The following FCRLB variants were observed in gnomAD, a reference collection of about 807,000 sequenced individuals.
FCRLB encodes the protein Fc receptor-like B.
In FCRLB, 34 loss-of-function variants were observed where a neutral mutation model predicts 33.6. The observed-to-expected ratio is 1.01, with a 90% CI of 0.77 to 1.35. The LOEUF (loss-of-function observed/expected upper bound fraction) is 1.35. Among genes scored for constraint, FCRLB ranks in the 40% most tolerant of loss-of-function variants. FCRLB has a pLI of 0.00. For synonymous variants in FCRLB, 280 were observed against 255.9 expected (o/e 1.09, Z -0.90); for missense variants, 560 against 580.2 (o/e 0.97, Z 0.36).
At position 161,726,414 on chromosome 1, in the gene FCRLB, C is replaced by G; in HGVS notation, c.575-289C>G. The G allele has an allele frequency of 1.4e-6, 1 of 718,082 alleles. No individual in the cohort carries two copies. Among genetic ancestry groups the G allele is most frequent in the East Asian group, 2.7e-5 (1 of 36,966 alleles). 44.5% of individuals were successfully genotyped at this position (718,082 alleles called of 1,614,324 possible). A position where few individuals can be genotyped will look rare whatever the true frequency, so the allele number is the denominator to read the frequency against. ...TCCCTAGCGTCCTGCAAGGCAGGCG[C>G]AGCGTCTCCTATTCTAGGCTGCAGA... On this transcript the variant is annotated intron_variant, in intron 6 of 7. Transcript: ENST00000367948. The surrounding 1 kb of genome is among the most constrained non-coding windows in gnomAD (Gnocchi z 5.2).
chr1:161,724,773 A>G (rs1227682141), intron 5 of FCRLB, among the ~76,000 whole-genome samples: 3 of 152,196 alleles, frequency 2.0e-5, no homozygotes, highest in African/African-American at 4.8e-5. Flanking sequence ...CTCAATGTAC[A>G]ACACCTAAAA....
exon 1 of FCRLB, chr1:161,721,640 C>T (rs1390824851): frequency 9.2e-5 from 14 of 152,164 alleles, no homozygotes; most frequent in Non-Finnish European, 1.0e-4. Flanking sequence ...GATCAAGGTG[C>T]CCCGGTTCTA....
At chr1:161,722,568 T>C in intron 2 of FCRLB, 85 bp from the exon 3 acceptor site, 6 of 1,296,670 alleles carry the variant, frequency 4.6e-6, no homozygotes, top group Non-Finnish European at 1.1e-6. Context: ...AGCAGCAATG[T>C]CTCCTAGTAC....
rs1683527609 is a variant in FCRLB, at chr1:161,725,871, C to CT, written c.359dup (p.Val121SerfsTer65). On this transcript the variant is annotated frameshift_variant, in exon 6 of 8. Transcript: ENST00000367948. LOFTEE classifies it high-confidence loss of function. ...TGCGCCAGTGTTCGAGGGTGAGCCGCTAGTCCTGCGCTGCCGCGGCTGGTA... is the reference window on the plus strand; with the variant it reads ...TGCGCCAGTGTTCGAGGGTGAGCCGCTTAGTCCTGCGCTGCCGCGGCTGGTA... The CT allele has an allele frequency of 6.2e-7, 1 of 1,614,024 alleles. No homozygotes were observed. The highest frequency in any genetic ancestry group is 8.5e-7 in the Non-Finnish European group (1 of 1,180,002).
At chr1:161,725,849 G>T (rs7520519) in exon 6 of FCRLB, 1,412,504 of 1,612,934 alleles carry the variant, frequency 0.88, 620,044 homozygotes, top group East Asian at 1. Flanking sequence ...TGCCCTATGC[G>T]CCAGTGTTCG....
At chr1:161,723,653 C>T (rs575492581) in intron 5 of FCRLB, 32 bp downstream of exon 5, 1 of 1,599,602 alleles carries the variant, frequency 6.3e-7, no homozygotes, top group African/African-American at 1.3e-5. Flanking sequence ...GGAGGGGGAG[C>T]ACGTGTCTCC....
In FCRLB at chr1:161,726,142, G is replaced by A; in HGVS notation, c.574+55G>A. ...GGCAAATGAGCATTGAGAAATTCTGGGACAGGAGCTCGGCGAGAAAAGAAG... is the reference window on the plus strand; with the variant it reads ...GGCAAATGAGCATTGAGAAATTCTGAGACAGGAGCTCGGCGAGAAAAGAAG... On this transcript the variant is annotated intron_variant, in intron 6 of 7. Coordinates refer to ENST00000367948, the Ensembl canonical transcript of FCRLB. This position sits in a 1 kb window ranked among gnomAD's most constrained non-coding sequence, Gnocchi z 5.2. 6.2e-7 allele frequency: 1 copy of A among 1,610,188 alleles called. No homozygotes were observed. Among genetic ancestry groups the A allele is most frequent in the Non-Finnish European group, 8.5e-7 (1 of 1,177,636 alleles).
rs1342618289 is a variant in FCRLB at position 161,726,911 on chromosome 1, G to T, written c.783G>T (p.Glu261Asp). The T allele has an allele frequency of 1.3e-6, 2 of 1,589,580 alleles. No homozygotes were observed. Among genetic ancestry groups the T allele is most frequent in the African/African-American group, 2.7e-5 (2 of 74,004 alleles). ...CAGTCCCGGAGCCCGAGGTCGAGGA[G>T]CTCGAATCGTACTGGTGCGAGGCGG... The change falls in exon 7 of 8, where the codon GAG (glutamate) becomes GAT (aspartate). Residue 261 changes from glutamate to aspartate, a missense_variant. Coordinates refer to ENST00000367948, the Ensembl canonical transcript of FCRLB. The surrounding 1 kb of genome is among the most constrained non-coding windows in gnomAD (Gnocchi z 5.2).
exon 8 of FCRLB, chr1:161,727,696 C>T (rs1175691125): frequency 9.7e-6 from 15 of 1,538,624 alleles, no homozygotes; most frequent in Non-Finnish European, 1.2e-5. Flanking sequence ...CAGGCTCATT[C>T]CTCCTTGGTC....
At chr1:161,727,428 G>T (rs1683630566) in exon 8 of FCRLB, 2 of 1,613,162 alleles carry the variant, frequency 1.2e-6, no homozygotes, top group Non-Finnish European at 1.7e-6. Flanking sequence ...CCCCGACTGC[G>T]GGGCCACCCG....
chr1:161,722,810 T>G, intron 3 of FCRLB, 107 bp downstream of exon 3: 1 of 1,527,516 alleles, frequency 6.5e-7, no homozygotes, highest in African/African-American at 1.4e-5. Context: ...TCCAAGTGGT[T>G]CATTATCTTT....
At chr1:161,722,770 G>A (rs1388968143) in intron 3 of FCRLB, 67 bp downstream of exon 3, 2 of 1,591,402 alleles carry the variant, frequency 1.3e-6, no homozygotes, top group African/African-American at 1.3e-5. Flanking sequence ...AAGGTATGGG[G>A]AGAGGAGGGT....
chr1:161,723,432 G>A, exon 5 of FCRLB: 1 of 1,614,172 alleles, frequency 6.2e-7, no homozygotes, highest in Non-Finnish European at 8.5e-7. Flanking sequence ...AGGGGAGCGG[G>A]TAACTTTGAA....
Position 161,725,926 on chromosome 1 carries a change from AC to A in FCRLB, c.415del (p.His139ThrfsTer50), listed in dbSNP as rs1683538742. Reference sequence around the variant, plus strand: ...AAGGTGGTCTACAAGCTTCACTACTACCACGACGGCCAGGCCGTGCGCTACT... The same window carrying A: ...AAGGTGGTCTACAAGCTTCACTACTACACGACGGCCAGGCCGTGCGCTACT... On this transcript the variant is annotated frameshift_variant, in exon 6 of 8. Transcript: ENST00000367948. LOFTEE classifies it high-confidence loss of function. 8.1e-6 allele frequency: 13 copies of A among 1,614,080 alleles called. No individual in the cohort carries two copies. The highest frequency in any genetic ancestry group is 1.1e-5 in the Non-Finnish European group (13 of 1,180,050).
chr1:161,723,719 G>T (rs890148991), intron 5 of FCRLB, 98 bp downstream of exon 5: 2 of 1,519,316 alleles, frequency 1.3e-6, no homozygotes, highest in Non-Finnish European at 1.8e-6. Flanking sequence ...CCAAGGTGCA[G>T]GAAACAAGGG....
rs575485395 is a variant in FCRLB at position 161,724,197 on chromosome 1, C to T, written c.307+576C>T. On this transcript the variant is annotated intron_variant, in intron 5 of 7. Coordinates refer to ENST00000367948, the Ensembl canonical transcript of FCRLB. ...CACTTACTCAAAGTTTTATTGCAGA[C>T]GTGTATATGTGTACACAGGAGTCAG... Among the ~76,000 whole-genome samples the T allele has an allele frequency of 7.9e-5, 12 of 152,228 alleles. No homozygotes were observed. The South Asian group carries it at 1.0e-3, about 13-fold the overall frequency.
At chr1:161,727,173 CTACG>C in intron 7 of FCRLB, 70 bp from the exon 8 acceptor site, 7 of 1,477,314 alleles carry the variant, frequency 4.7e-6, no homozygotes, top group Non-Finnish European at 6.3e-6. Context: ...GCCCACCGCC[CTACG>C]CCCCTCCCCC....
Position 161,725,621 on chromosome 1 carries a change from G to A in FCRLB, c.308-200G>A, listed in dbSNP as rs190583919. ...TGTGCCACTGCACTGCAGCTTGGGC[G>A]ACAAGAGCAAGACCATGTCTCAAAA... On this transcript the variant is annotated intron_variant, in intron 5 of 7. Transcript: ENST00000367948. Among the ~76,000 whole-genome samples, 723 of 152,042 alleles carry A rather than the reference G, an allele frequency of 4.8e-3. 6 individuals are homozygous for A. Among genetic ancestry groups the A allele is most frequent in the Non-Finnish European group, 4.4e-3 (297 of 67,984 alleles).
chr1:161,727,158 T>C, intron 7 of FCRLB, 89 bp from the exon 8 acceptor site: 44 of 700,182 alleles, frequency 6.3e-5, no homozygotes, highest in Non-Finnish European at 8.7e-5. Flanking sequence ...GCCTTCCCCA[T>C]CCCCGCCCAC....
Sources: gnomAD v4.1 joint callset for allele counts (sites outside exome capture counted in the v4.1 genomes callset) on GRCh38, gnomAD v4.1.1 for gene constraint, Gnocchi (gnomAD v3.1) non-coding constraint, MANE v1.5 for transcripts, NCBI Gene and HGNC (gene_info 2026-07-23, HGNC 2026-07-21) for gene names.